Variants in CDKAL1 observed in about 807,000 individuals in gnomAD.
The protein encoded by CDKAL1 is threonylcarbamoyladenosine tRNA methylthiotransferase.
A neutral mutation model predicts 68.2 loss-of-function variants in CDKAL1; 32 were observed. That is an observed-to-expected ratio of 0.47 (90% CI 0.35 to 0.63). The LOEUF is 0.63. Ranked by LOEUF, CDKAL1 falls within the 30% of genes least tolerant of loss-of-function variation. The pLI is 0.00. For synonymous variants in CDKAL1, 234 were observed against 244.3 expected, an observed-to-expected ratio of 0.96 and a Z score of 0.39; for missense variants, 606 against 696.7, an observed-to-expected ratio of 0.87 and a Z score of 1.47.
At position 20,846,123 on chromosome 6, in the gene CDKAL1, T is replaced by G; in HGVS notation, c.687T>G (p.Asn229Lys). The change falls in exon 9 of 16, where the codon AAT (asparagine) becomes AAG (lysine). Residue 229 changes from asparagine to lysine, a missense_variant. Coordinates refer to ENST00000274695, the MANE Select transcript of CDKAL1 (RefSeq NM_017774.3). ...GCAAAACTAAACACGCCAGAGGAAA[T>G]TTGGCCAGTTATCCAATTGATGAAC... ...TYCKTKHARG[N>K]LASYPIDELV... 6.2e-7 allele frequency: 1 copy of G among 1,613,426 alleles called. No homozygotes were observed. The highest frequency in any genetic ancestry group is 8.5e-7 in the Non-Finnish European group (1 of 1,179,606).
intron 11 of CDKAL1, among the ~76,000 whole-genome samples, chr6:21,019,671 A>G (rs184839828): frequency 7.6e-4 from 115 of 152,306 alleles, no homozygotes; most frequent in African/African-American, 2.6e-3. Flanking sequence ...ACTGTCTTGT[A>G]TGGTGTGCAT....
intron 8 of CDKAL1, among the ~76,000 whole-genome samples, chr6:20,783,925 G>A (rs1342943142): frequency 6.6e-6 from 1 of 152,094 alleles, no homozygotes; most frequent in Non-Finnish European, 1.5e-5. Context: ...ATAAAATGGT[G>A]TAGTATTGGC....
chr6:21,214,874 G>GATGGATGAATGA (rs375832152), intron 15 of CDKAL1, among the ~76,000 whole-genome samples: 5 of 149,670 alleles, frequency 3.3e-5, no homozygotes, highest in African/African-American at 9.9e-5. Context: ...ACGTCTGTTG[G>GATGGATGAATGA]ATGAATGAAT....
intron 13 of CDKAL1, among the ~76,000 whole-genome samples, chr6:21,188,989 T>G (rs1778130888): frequency 6.6e-6 from 1 of 152,180 alleles, no homozygotes; most frequent in African/African-American, 2.4e-5. Flanking sequence ...GCATTTCCTG[T>G]GTAACTATTT....
chr6:20,537,853 TTTAA>T (rs1192169483), intron 2 of CDKAL1, among the ~76,000 whole-genome samples: 1 of 149,662 alleles, frequency 6.7e-6, no homozygotes, highest in Non-Finnish European at 1.5e-5. Context: ...TTCCATATGA[TTTAA>T]TTAAAAATTT....
chr6:20,718,663 A>G (rs1772203275), intron 5 of CDKAL1, among the ~76,000 whole-genome samples: 1 of 152,334 alleles, frequency 6.6e-6, no homozygotes, highest in Non-Finnish European at 1.5e-5. Context: ...GCTGGTAGAA[A>G]AAGCTTGAAT....
At chr6:20,646,262 GGT>G (rs906186265) in intron 4 of CDKAL1, among the ~76,000 whole-genome samples, 36 of 151,530 alleles carry the variant, frequency 2.4e-4, no homozygotes, top group African/African-American at 8.5e-4. Flanking sequence ...TCACTATCTT[GGT>G]CAGGCTGGTC....
chr6:21,226,418 G>A (rs535456400), intron 15 of CDKAL1, among the ~76,000 whole-genome samples: 36 of 151,958 alleles, frequency 2.4e-4, no homozygotes, highest in Non-Finnish European at 4.9e-4. Flanking sequence ...CAAGTAAGTA[G>A]ATTTAGAAAT....
rs899290547 is a variant in CDKAL1, at chr6:20,896,752, T to G, written c.742+50574T>G. On this transcript the variant is annotated intron_variant, in intron 9 of 15. Coordinates refer to ENST00000274695, the MANE Select transcript of CDKAL1 (RefSeq NM_017774.3). The stretch of plus-strand genomic sequence containing the variant: ...TGTTGGAAACTGAGACTACCAGATA[T>G]TACCAAGTTGGGGGTGGAAGGTAGG... Among the ~76,000 whole-genome samples, 7 of 152,260 alleles carry G rather than the reference T, an allele frequency of 4.6e-5. No individual in the cohort carries two copies. The East Asian group carries it at 9.7e-4, about 21-fold the overall frequency.
At chr6:20,828,835 A>G (rs953653527) in intron 8 of CDKAL1, among the ~76,000 whole-genome samples, 5 of 152,060 alleles carry the variant, frequency 3.3e-5, no homozygotes, top group African/African-American at 7.2e-5. Flanking sequence ...AAAACTCTGT[A>G]CTCATTAAAC....
intron 9 of CDKAL1, among the ~76,000 whole-genome samples, chr6:20,875,331 A>T (rs1561849282): frequency 8.6e-6 from 1 of 115,830 alleles, no homozygotes; most frequent in Non-Finnish European, 1.8e-5. Flanking sequence ...AAAAAAAAAA[A>T]GTCTAGCCCT....
chr6:20,691,301 A>G (rs191672004), intron 5 of CDKAL1, among the ~76,000 whole-genome samples: 1 of 103,114 alleles, frequency 9.7e-6, no homozygotes, highest in Non-Finnish European at 2.2e-5. Context: ...GACCCTGAGC[A>G]GCGACTGCTG....
intron 8 of CDKAL1, among the ~76,000 whole-genome samples, chr6:20,836,822 T>G (rs1232487049): frequency 1.3e-5 from 2 of 152,048 alleles, no homozygotes; most frequent in Non-Finnish European, 2.9e-5. Flanking sequence ...AGGTGTAATG[T>G]GTATGTAGGA....
At chr6:21,225,829 AAG>A (rs1779719484) in intron 15 of CDKAL1, among the ~76,000 whole-genome samples, 1 of 152,258 alleles carries the variant, frequency 6.6e-6, no homozygotes, top group Non-Finnish European at 1.5e-5. Flanking sequence ...AATTTACAAA[AAG>A]AATTTCTGAG....
intron 9 of CDKAL1, among the ~76,000 whole-genome samples, chr6:20,947,559 G>T (rs1261009479): frequency 2.0e-5 from 3 of 152,020 alleles, no homozygotes; most frequent in Non-Finnish European, 4.4e-5. Flanking sequence ...CCACTGCATT[G>T]CAGCCTTGGT....
chr6:20,636,614 A>G (rs1406689370), intron 4 of CDKAL1, among the ~76,000 whole-genome samples: 1 of 152,190 alleles, frequency 6.6e-6, no homozygotes, highest in African/African-American at 2.4e-5. Flanking sequence ...GGATGGGATC[A>G]TCTAGTACAC....
At chr6:20,983,923 A>G (rs1766294374) in intron 10 of CDKAL1, among the ~76,000 whole-genome samples, 1 of 152,220 alleles carries the variant, frequency 6.6e-6, no homozygotes, top group Non-Finnish European at 1.5e-5. Flanking sequence ...AGAGGATTAC[A>G]GGTAGATCAA....
At chr6:20,904,553 G>A (rs572099614) in intron 9 of CDKAL1, among the ~76,000 whole-genome samples, 8 of 152,246 alleles carry the variant, frequency 5.3e-5, no homozygotes, top group Non-Finnish European at 1.0e-4. Flanking sequence ...ACTTTGGGAG[G>A]CTGAAGCAGG....
At chr6:20,757,644 T>A (rs926254568) in intron 6 of CDKAL1, among the ~76,000 whole-genome samples, 1 of 152,192 alleles carries the variant, frequency 6.6e-6, no homozygotes, top group Non-Finnish European at 1.5e-5. Context: ...CCAGAAAATG[T>A]CATGGTATCT....
Sources: gnomAD v4.1 joint callset for allele counts (sites outside exome capture counted in the v4.1 genomes callset) on GRCh38, gnomAD v4.1.1 for gene constraint, MANE v1.5 for transcripts, NCBI Gene and HGNC (gene_info 2026-07-23, HGNC 2026-07-21) for gene names.